The following CNTNAP2 variants were observed in gnomAD, a reference collection of about 807,000 sequenced individuals.
CNTNAP2 encodes the protein contactin-associated protein-like 2.
A neutral mutation model predicts 155.2 loss-of-function variants in CNTNAP2; 98 were observed. That is an observed-to-expected ratio of 0.63 (90% CI 0.54 to 0.75). The LOEUF (loss-of-function observed/expected upper bound fraction) is 0.75. CNTNAP2 is among the 30% of genes least tolerant of loss of function. CNTNAP2 has a pLI of 0.00. For missense variants in CNTNAP2, 1,727 were observed against 1,688.1 expected, an observed-to-expected ratio of 1.02 and a Z score of -0.40; for synonymous variants, 651 against 631.2, an observed-to-expected ratio of 1.03 and a Z score of -0.47.
rs999350750 is a variant in CNTNAP2, at chr7:147,870,149, T to C, written c.2099-33416T>C. ...AAGCAGATGCCAAGACAAGAATATATGTGCAAGAGATTTATGGTATTGATC... is the reference window on the plus strand; with the variant it reads ...AAGCAGATGCCAAGACAAGAATATACGTGCAAGAGATTTATGGTATTGATC... On this transcript the variant is annotated intron_variant, in intron 13 of 23. Transcript: ENST00000361727. Among the ~76,000 whole-genome samples, 56 of 152,230 alleles carry C rather than the reference T, an allele frequency of 3.7e-4. 1 individual carries two copies. Among genetic ancestry groups the C allele is most frequent in the East Asian group, 9.7e-4 (5 of 5,166 alleles).
chr7:146,705,244 T>C (rs1800942916), intron 1 of CNTNAP2, among the ~76,000 whole-genome samples: 1 of 152,108 alleles, frequency 6.6e-6, no homozygotes, highest in Non-Finnish European at 1.5e-5. Context: ...CAGGCTGTGA[T>C]CACAAAACCC....
At chr7:148,394,355 T>C (rs1236060449) in intron 22 of CNTNAP2, among the ~76,000 whole-genome samples, 1 of 152,198 alleles carries the variant, frequency 6.6e-6, no homozygotes, top group Non-Finnish European at 1.5e-5. Flanking sequence ...GTCTATTACA[T>C]TGATATGATG....
chr7:148,034,728 G>C (rs1408042062), intron 15 of CNTNAP2, among the ~76,000 whole-genome samples: 1 of 152,180 alleles, frequency 6.6e-6, no homozygotes, highest in South Asian at 2.1e-4. Flanking sequence ...AAAATTTGGA[G>C]GAGTAGGCTG....
At chr7:147,308,817 C>T (rs1218122947) in intron 9 of CNTNAP2, among the ~76,000 whole-genome samples, 5 of 152,116 alleles carry the variant, frequency 3.3e-5, no homozygotes, top group Non-Finnish European at 7.4e-5. Flanking sequence ...TCCGAAATTC[C>T]TCAGATCAAG....
chr7:147,192,762 G>A (rs944814297), intron 8 of CNTNAP2, among the ~76,000 whole-genome samples: 11 of 151,982 alleles, frequency 7.2e-5, no homozygotes, highest in Admixed American at 3.9e-4. Flanking sequence ...ACTCAGTGTC[G>A]TTTGGCATTT....
intron 12 of CNTNAP2, among the ~76,000 whole-genome samples, chr7:147,628,503 C>T (rs1257071539): frequency 4.6e-5 from 7 of 151,998 alleles, no homozygotes; most frequent in Admixed American, 4.6e-4. Context: ...TGAAACACAC[C>T]AAAATAGAAC....
rs71527884 is a variant in CNTNAP2 at position 148,181,741 on chromosome 7, C to CTTTTTTTTTTTTT, written c.3010+9285_3010+9297dup. On this transcript the variant is annotated intron_variant, in intron 18 of 23. Transcript: ENST00000361727. ...ATAACTTTTGTTTCAAGTGTGTGCCCTTTTTTTTTTTTTTTTTTTTTTTTT... is the reference window on the plus strand; with the variant it reads ...ATAACTTTTGTTTCAAGTGTGTGCCCTTTTTTTTTTTTTTTTTTTTTTTTTTTTTTTTTTTTTT... Among the ~76,000 whole-genome samples, 19 of 48,662 alleles carry CTTTTTTTTTTTTT rather than the reference C, an allele frequency of 3.9e-4. 3 individuals carry two copies. The highest frequency in any genetic ancestry group is 1.5e-3 in the East Asian group (2 of 1,368). 31.9% of individuals were successfully genotyped at this position (48,662 alleles called of 152,430 possible).
At chr7:146,155,739 G>A (rs569311297) in intron 1 of CNTNAP2, among the ~76,000 whole-genome samples, 5 of 150,718 alleles carry the variant, frequency 3.3e-5, no homozygotes, top group Admixed American at 6.6e-5. Flanking sequence ...CGCTCTTGTC[G>A]CCCAGGCTGA....
intron 4 of CNTNAP2, among the ~76,000 whole-genome samples, chr7:147,090,440 C>T (rs1800378340): frequency 6.6e-6 from 1 of 151,566 alleles, no homozygotes; most frequent in Non-Finnish European, 1.5e-5. Context: ...ACATGTTTTA[C>T]CTGAATGGGA....
At chr7:147,026,912 T>TA (rs35008433) in intron 3 of CNTNAP2, among the ~76,000 whole-genome samples, 54,052 of 122,070 alleles carry the variant, frequency 0.44, 11,346 homozygotes, top group African/African-American at 0.5. Context: ...GTCTCAGTGC[T>TA]AAAAAAAAAA....
chr7:147,025,201 G>A lies in CNTNAP2; in HGVS notation c.403-18706G>A, dbSNP rs563739467. Among the ~76,000 whole-genome samples the A allele has an allele frequency of 2.2e-4, 32 of 145,606 alleles. No individual in the cohort carries two copies. The South Asian group carries it at 3.2e-3, about 15-fold the overall frequency. ...CTCCAGAGGCTGAGACAAGAGAATC[G>A]CTTGAACCCGGGAAGCGGATGTTTC... On this transcript the variant is annotated intron_variant, in intron 3 of 23. Coordinates refer to ENST00000361727, the MANE Select transcript of CNTNAP2 (RefSeq NM_014141.6).
chr7:148,125,372 T>C (rs1303059348), intron 16 of CNTNAP2, among the ~76,000 whole-genome samples: 2 of 152,122 alleles, frequency 1.3e-5, no homozygotes, highest in Non-Finnish European at 2.9e-5. Flanking sequence ...GTAATAAGCA[T>C]AGTACCTGAT....
chr7:146,177,930 T>C (rs967152077), intron 1 of CNTNAP2, among the ~76,000 whole-genome samples: 5 of 152,234 alleles, frequency 3.3e-5, no homozygotes, highest in African/African-American at 1.2e-4. Flanking sequence ...AGAGATTTCA[T>C]GATCGCCAAG....
At chr7:147,412,557 C>A (rs1797123065) in intron 10 of CNTNAP2, among the ~76,000 whole-genome samples, 2 of 152,134 alleles carry the variant, frequency 1.3e-5, no homozygotes. Flanking sequence ...GGGAAACAGG[C>A]CTGAGCTCAT....
At chr7:146,459,140 T>C (rs1796600353) in intron 1 of CNTNAP2, among the ~76,000 whole-genome samples, 2 of 152,162 alleles carry the variant, frequency 1.3e-5, no homozygotes, top group South Asian at 4.1e-4. Flanking sequence ...TCAGGCCTGC[T>C]TCATTTACAC....
At chr7:147,477,730 C>T (rs1160747607) in intron 10 of CNTNAP2, among the ~76,000 whole-genome samples, 2 of 152,098 alleles carry the variant, frequency 1.3e-5, no homozygotes, top group Admixed American at 1.3e-4. Flanking sequence ...GGATAAAGTT[C>T]AAAAATCCCT....
At chr7:147,157,524 C>G (rs977728155) in intron 8 of CNTNAP2, among the ~76,000 whole-genome samples, 7 of 152,140 alleles carry the variant, frequency 4.6e-5, no homozygotes, top group African/African-American at 1.4e-4. Flanking sequence ...CAAAGACACT[C>G]TTGTGTAGTC....
At chr7:147,318,623 A>C (rs28645305) in intron 9 of CNTNAP2, among the ~76,000 whole-genome samples, 2 of 151,542 alleles carry the variant, frequency 1.3e-5, no homozygotes, top group Admixed American at 6.6e-5. Context: ...ATAAGAACAC[A>C]TGGACACAGG....
chr7:146,175,475 C>T (rs143115888), intron 1 of CNTNAP2, among the ~76,000 whole-genome samples: 1 of 152,166 alleles, frequency 6.6e-6, no homozygotes, highest in Admixed American at 6.5e-5. Context: ...TGAAATTGAC[C>T]GTTAATGATC....
Sources: allele counts gnomAD v4.1 joint callset (sites outside exome capture counted in the v4.1 genomes callset), GRCh38; gene constraint gnomAD v4.1.1; transcripts MANE v1.5; gene names NCBI Gene and HGNC (gene_info 2026-07-23, HGNC 2026-07-21).